The following HMMR variants were observed in gnomAD, a reference collection of about 807,000 sequenced individuals.
HMMR encodes the protein hyaluronan mediated motility receptor, also known as intracellular hyaluronic acid-binding protein.
HMMR carries 108 observed loss-of-function variants against 101.0 expected under a neutral mutation model. That is an observed-to-expected ratio of 1.07 (90% CI 0.92 to 1.25). HMMR has a LOEUF of 1.25. HMMR is among the 50% of genes most tolerant of loss of function. The pLI is 0.00. For synonymous variants in HMMR, 296 were observed against 276.4 expected (o/e 1.07, Z -0.70); for missense variants, 813 against 788.7 (o/e 1.03, Z -0.37).
At position 163,474,087 on chromosome 5, in the gene HMMR, A is replaced by G. The variant is rs763502082; in HGVS notation, c.935A>G (p.Asn312Ser). Residue 312 changes from asparagine (N) to serine (S), a missense_variant, in exon 10 of 18, where the codon AAC (asparagine) becomes AGC (serine). By Grantham distance (46) the Asn-to-Ser change is conservative (BLOSUM62 1). Transcript: ENST00000393915. ...EDHVNRNREH[N>S]ENLNAEMQNL... ...CATGTCAACAGGAATAGAGAACACAACGAAAATCTAAATGCAGAGATGCAA... is the reference window on the plus strand; with the variant it reads ...CATGTCAACAGGAATAGAGAACACAGCGAAAATCTAAATGCAGAGATGCAA... 7.4e-6 allele frequency: 12 copies of G among 1,611,476 alleles called. No individual in the cohort carries two copies. In the East Asian group the frequency reaches 1.1e-4, roughly 15 times the overall value.
chr5:163,482,396 T>A (rs1375817270), intron 12 of HMMR, among the ~76,000 whole-genome samples: 1 of 152,228 alleles, frequency 6.6e-6, no homozygotes, highest in African/African-American at 2.4e-5. Context: ...TTCTTTTCCA[T>A]CTCTGTATGC....
intron 16 of HMMR, among the ~76,000 whole-genome samples, chr5:163,487,820 A>G (rs1759530737): frequency 6.7e-6 from 1 of 150,268 alleles, no homozygotes; most frequent in South Asian, 2.1e-4. Flanking sequence ...TCTTTTTTTA[A>G]ATTTTTAGTG....
rs142842674 is a variant in HMMR, at chr5:163,484,134, A to T, written c.1851A>T (p.Glu617Asp). The T allele has an allele frequency of 9.9e-5, 159 of 1,604,846 alleles. No homozygotes were observed. The Middle Eastern group carries it at 3.8e-3, about 38-fold the overall frequency. Residue 617 changes from glutamate to aspartate, a missense_variant, in exon 16 of 18, where the codon GAA becomes GAT. By Grantham distance (45) the Glu-to-Asp change is conservative. Coordinates refer to ENST00000393915, the MANE Select transcript of HMMR (RefSeq NM_001142556.2). ...TGAATGAACATGGTGCAGCTCAGGA[A>T]CAGCTAAATAAAATAAGAGATTCAT... ...ALLNEHGAAQ[E>D]QLNKIRDSYA...
Position 163,478,802 on chromosome 5 carries a change from T to A in HMMR, c.1385+2T>A. 1 of 1,535,206 alleles carries A rather than the reference T, an allele frequency of 6.5e-7. No homozygotes were observed. The highest frequency in any genetic ancestry group is 9.0e-7 in the Non-Finnish European group (1 of 1,108,070). ...AGATGTTACTGCTCAATTTGAAAGG[T>A]ATTTTTCTTGGGAGCCTGCACTCTT... is the stretch of plus-strand genomic sequence containing the variant. On this transcript the variant is annotated splice_donor_variant, in intron 12 of 17. Coordinates refer to ENST00000393915, the MANE Select transcript of HMMR (RefSeq NM_001142556.2). LOFTEE classifies it high-confidence loss of function.
At chr5:163,484,046 T>G (rs1759377143) in intron 15 of HMMR, 23 bp from the exon 16 acceptor site, 1 of 1,477,512 alleles carries the variant, frequency 6.8e-7, no homozygotes, top group Non-Finnish European at 9.3e-7. Flanking sequence ...AAGTCTTAAC[T>G]TTATTTAAAA....
chr5:163,482,874 G>T, intron 13 of HMMR, 86 bp downstream of exon 13: 1 of 1,397,718 alleles, frequency 7.2e-7, no homozygotes, highest in Admixed American at 1.8e-5. Flanking sequence ...GCTTGCTTTT[G>T]GCCATCTTAT....
intron 16 of HMMR, among the ~76,000 whole-genome samples, chr5:163,485,649 C>A (rs1428269408): frequency 6.6e-6 from 1 of 151,934 alleles, no homozygotes; most frequent in African/African-American, 2.4e-5. Context: ...GTCCTTTGAC[C>A]CAAAAAACTT....
At chr5:163,481,645 T>C (rs1411093142) in intron 12 of HMMR, among the ~76,000 whole-genome samples, 2 of 152,216 alleles carry the variant, frequency 1.3e-5, no homozygotes, top group Non-Finnish European at 2.9e-5. Flanking sequence ...CTTTTCATTC[T>C]GTAAATCTTA....
At chr5:163,481,938 G>A (rs546583313) in intron 12 of HMMR, among the ~76,000 whole-genome samples, 20 of 151,944 alleles carry the variant, frequency 1.3e-4, no homozygotes, top group African/African-American at 3.6e-4. Flanking sequence ...ATTTTGAGTC[G>A]GAGTTTCGCT....
At chr5:163,471,529 A>G in intron 7 of HMMR, 66 bp downstream of exon 7, 1 of 1,066,172 alleles carries the variant, frequency 9.4e-7, no homozygotes. Context: ...TCTCTTCACA[A>G]ATTATTGTTT....
chr5:163,468,661 G>A (rs945206754), intron 4 of HMMR, among the ~76,000 whole-genome samples: 2 of 152,008 alleles, frequency 1.3e-5, no homozygotes, highest in Non-Finnish European at 2.9e-5. Context: ...TTTTACTGAG[G>A]GTACATGTAG....
At chr5:163,490,949 C>T (rs566972565) in intron 17 of HMMR, among the ~76,000 whole-genome samples, 163 bp from the exon 18 acceptor site, 5 of 152,144 alleles carry the variant, frequency 3.3e-5, no homozygotes, top group African/African-American at 4.8e-5. Flanking sequence ...TTGTCTTTCA[C>T]GATAAATTAA....
Position 163,484,199 on chromosome 5 carries a change from T to G in HMMR, c.1916T>G (p.Ile639Ser). 1.2e-6 allele frequency: 2 copies of G among 1,604,456 alleles called. No homozygotes were observed. Among genetic ancestry groups the G allele is most frequent in the Non-Finnish European group, 1.7e-6 (2 of 1,175,790 alleles). Residue 639 changes from isoleucine to serine, a missense_variant, in exon 16 of 18, where the codon ATC becomes AGC. By Grantham distance (142) the Ile-to-Ser change is moderately radical. Coordinates refer to ENST00000393915, the MANE Select transcript of HMMR (RefSeq NM_001142556.2). Reference protein sequence around the residue: ...LLGHQNLKQKIKHVVKLKDEN... With the variant: ...LLGHQNLKQKSKHVVKLKDEN... The stretch of plus-strand genomic sequence containing the variant: ...GGTCATCAGAATTTGAAACAAAAAA[T>G]CAAGCATGTTGTGAAGTTGAAAGAT...
In HMMR at chr5:163,469,819, T is replaced by C. The variant is rs1411888500; in HGVS notation, c.452T>C (p.Leu151Pro). 2.5e-6 allele frequency: 4 copies of C among 1,586,412 alleles called. No individual in the cohort carries two copies. The East Asian group carries it at 6.7e-5, about 27-fold the overall frequency. Residue 151 changes from leucine (L) to proline (P), a missense_variant, in exon 5 of 18, where the codon CTA (leucine) becomes CCA (proline). Leu to Pro is a moderately conservative substitution (Grantham distance 98). Transcript: ENST00000393915. ...LIELTRTNELLKSKFSENGNQ... is the reference protein window; with the variant it reads ...LIELTRTNELPKSKFSENGNQ... ...GAATTGACCAGGACTAATGAACTAC[T>C]AAAATCTAAGGTATCTGAGCCTCAT...
intron 16 of HMMR, among the ~76,000 whole-genome samples, chr5:163,489,027 G>A (rs1220195561): frequency 1.3e-5 from 2 of 152,140 alleles, no homozygotes; most frequent in African/African-American, 4.8e-5. Context: ...TCCACAGACC[G>A]GATCACCCAG....
chr5:163,491,077 A>G (rs1381130888), intron 17 of HMMR, 35 bp from the exon 18 acceptor site: 2 of 1,322,816 alleles, frequency 1.5e-6, no homozygotes, highest in African/African-American at 3.0e-5. Context: ...GTTTTAATCT[A>G]GATTACTAAT....
At position 163,460,727 on chromosome 5, in the gene HMMR, A is replaced by C; in HGVS notation, c.35A>C (p.Asn12Thr). ...SFPKAPLKRF[N>T]DPSGCAPSPG... Reference sequence around the variant, plus strand: ...CCTAAGGCGCCCTTGAAACGATTCAATGACCCTTCTGGTGCGTAAGGGGGA... The same window carrying C: ...CCTAAGGCGCCCTTGAAACGATTCACTGACCCTTCTGGTGCGTAAGGGGGA... Residue 12 changes from asparagine (N) to threonine (T), a missense_variant, in exon 1 of 18, where the codon AAT (asparagine) becomes ACT (threonine). Transcript: ENST00000393915. 1 of 1,608,162 alleles carries C rather than the reference A, an allele frequency of 6.2e-7. No individual in the cohort carries two copies. Among genetic ancestry groups the C allele is most frequent in the Non-Finnish European group, 8.5e-7 (1 of 1,177,298 alleles).
chr5:163,486,538 T>G (rs954263576), intron 16 of HMMR, among the ~76,000 whole-genome samples: 7 of 152,200 alleles, frequency 4.6e-5, no homozygotes, highest in Non-Finnish European at 7.3e-5. Flanking sequence ...CCTTAGGATG[T>G]TCTTATAGAT....
At position 163,467,686 on chromosome 5, in the gene HMMR, T is replaced by A. The variant is rs1256927848; in HGVS notation, c.226-15T>A. The stretch of plus-strand genomic sequence containing the variant: ...CATCTAAATTTGCTTATAAGTTTTT[T>A]TGGCTTTTAAACAGAAGGAATCTCA... On this transcript the variant is annotated splice_polypyrimidine_tract_variant and intron_variant, in intron 3 of 17. Transcript: ENST00000393915. 1 of 1,472,118 alleles carries A rather than the reference T, an allele frequency of 6.8e-7. No individual in the cohort carries two copies. The allele number at this position is 1,472,118 out of a possible 1,614,324, so 91.2% of individuals were successfully genotyped here. A position where few individuals can be genotyped will look rare whatever the true frequency, so the allele number is the denominator to read the frequency against.
Sources: gnomAD v4.1 joint callset for allele counts (sites outside exome capture counted in the v4.1 genomes callset) on GRCh38, gnomAD v4.1.1 for gene constraint, MANE v1.5 for transcripts, NCBI Gene and HGNC (gene_info 2026-07-23, HGNC 2026-07-21) for gene names.